DSC1: variants seen among roughly 807,000 people sequenced by gnomAD.
The protein encoded by DSC1 is desmocollin-1.
A neutral mutation model predicts 98.8 loss-of-function variants in DSC1; 79 were observed. That is an observed-to-expected ratio of 0.80 (90% CI 0.67 to 0.96). The LOEUF is 0.96. DSC1 is among the 50% of genes least tolerant of loss of function. DSC1 has a pLI of 0.00. For missense variants in DSC1, 1,115 were observed against 1,075.9 expected, an observed-to-expected ratio of 1.04 and a Z score of -0.51; for synonymous variants, 405 against 372.1, an observed-to-expected ratio of 1.09 and a Z score of -1.02.
At chr18:31,132,389 G>T in intron 14 of DSC1, 179 bp downstream of exon 14, 1 of 735,086 alleles carries the variant, frequency 1.4e-6, no homozygotes, top group Non-Finnish European at 2.1e-6. Flanking sequence ...TGTTGTGACA[G>T]CCCTAGCCCT....
intron 5 of DSC1, among the ~76,000 whole-genome samples, chr18:31,151,386 T>C (rs1158389654): frequency 6.6e-6 from 1 of 152,234 alleles, no homozygotes; most frequent in Non-Finnish European, 1.5e-5. Flanking sequence ...TAACTCATTA[T>C]AAATATGTTA....
chr18:31,143,847 A>G (rs1988787973), intron 7 of DSC1, 56 bp from the exon 8 acceptor site: 3 of 1,398,412 alleles, frequency 2.1e-6, no homozygotes, highest in Admixed American at 4.9e-5. Flanking sequence ...ATAACTTGCA[A>G]TTCTCACAAC....
chr18:31,148,815 T>C (rs1217760700), intron 5 of DSC1, among the ~76,000 whole-genome samples, 173 bp from the exon 6 acceptor site: 1 of 152,134 alleles, frequency 6.6e-6, no homozygotes, highest in Non-Finnish European at 1.5e-5. Context: ...CTGCCTGCCA[T>C]GTGATTTCAA....
chr18:31,150,832 T>A (rs1458187118), intron 5 of DSC1: 1 of 152,216 alleles, frequency 6.6e-6, no homozygotes, highest in Non-Finnish European at 1.5e-5. Flanking sequence ...AGACTGAGAC[T>A]TACTGATACG....
chr18:31,155,942 T>C (rs894730169), intron 4 of DSC1, 101 bp downstream of exon 4: 10 of 1,247,676 alleles, frequency 8.0e-6, no homozygotes, highest in Non-Finnish European at 1.1e-5. Context: ...ATTTGTACCA[T>C]TAGTTTAAAC....
At position 31,142,086 on chromosome 18, in the gene DSC1, T is replaced by A; in HGVS notation, c.1173A>T (p.Val391=). 6.2e-7 allele frequency: 1 copy of A among 1,613,244 alleles called. No individual in the cohort carries two copies. Among genetic ancestry groups the A allele is most frequent in the Non-Finnish European group, 8.5e-7 (1 of 1,179,692 alleles). ...DLPNTPHSKA[V]YKILQGNENG... is the part of the protein sequence containing the mutation. The stretch of plus-strand genomic sequence containing the variant: ...TTTCATTTCCTTGTAGGATTTTGTA[T>A]ACAGCCTTTGAGTGAGGAGTGTTTG... The change falls in exon 9 of 16, where the codon GTA becomes GTT. Residue 391 remains valine (V), a synonymous_variant. Coordinates refer to ENST00000257198, the MANE Select transcript of DSC1 (RefSeq NM_024421.2).
Position 31,140,199 on chromosome 18 carries a change from T to C in DSC1, c.1363A>G (p.Thr455Ala). The C allele has an allele frequency of 6.2e-7, 1 of 1,614,078 alleles. No homozygotes were observed. Among genetic ancestry groups the C allele is most frequent in the Non-Finnish European group, 8.5e-7 (1 of 1,179,942 alleles). Residue 455 changes from threonine to alanine, a missense_variant, in exon 10 of 16, where the codon ACT becomes GCT. Transcript: ENST00000257198. ...ATAATTTTAACGGTGACAGTTGTAG[T>C]GCACATTGTAGGAGTTTGTGAGCTC... ...AASSQTPTMCTTTVTVKIIDS... is the reference protein window; with the variant it reads ...AASSQTPTMCATTVTVKIIDS...
At position 31,162,515 on chromosome 18, in the gene DSC1, C is replaced by T. The variant is rs1598634941; in HGVS notation, c.63+17G>A. Reference sequence around the variant, plus strand: ...AGTAACATGCTTGAATTCCCTAATCCTTTGGTTGTTACTCACCAGGAGAGA... The same window carrying T: ...AGTAACATGCTTGAATTCCCTAATCTTTTGGTTGTTACTCACCAGGAGAGA... On this transcript the variant is annotated intron_variant, in intron 1 of 15. Transcript: ENST00000257198. 2.5e-6 allele frequency: 4 copies of T among 1,613,550 alleles called. No homozygotes were observed. The highest frequency in any genetic ancestry group is 3.4e-6 in the Non-Finnish European group (4 of 1,179,552).
chr18:31,162,501 T>C, intron 1 of DSC1, 31 bp downstream of exon 1: 1 of 1,610,334 alleles, frequency 6.2e-7, no homozygotes, highest in Non-Finnish European at 8.5e-7. Flanking sequence ...GTAACATGCT[T>C]GAATTCCCTA....
intron 8 of DSC1, among the ~76,000 whole-genome samples, chr18:31,142,932 C>A (rs1193899175): frequency 6.6e-6 from 1 of 151,844 alleles, no homozygotes; most frequent in Non-Finnish European, 1.5e-5. Flanking sequence ...AATATATCCT[C>A]ATATATTGTA....
intron 11 of DSC1, among the ~76,000 whole-genome samples, chr18:31,136,274 A>T (rs1017424002): frequency 6.6e-6 from 1 of 152,146 alleles, no homozygotes; most frequent in Non-Finnish European, 1.5e-5. Context: ...AAAGTAAAAA[A>T]TTTAGTTGCA....
At chr18:31,131,375 G>C in intron 15 of DSC1, 1 of 604,010 alleles carries the variant, frequency 1.7e-6, no homozygotes, top group Non-Finnish European at 2.8e-6. Context: ...TCTACATATG[G>C]CACTCCTAGA....
At chr18:31,152,806 T>C (rs143850094) in intron 5 of DSC1, among the ~76,000 whole-genome samples, 101 of 152,104 alleles carry the variant, frequency 6.6e-4, no homozygotes, top group Non-Finnish European at 9.0e-4. Flanking sequence ...TATATTACGT[T>C]AAAAACATAT....
In DSC1 at chr18:31,146,894, G is replaced by T. The variant is rs1988857381; in HGVS notation, c.773-1117C>A. 2.0e-5 allele frequency among the ~76,000 whole-genome samples: 3 copies of T among 152,150 alleles called. No homozygotes were observed. In the South Asian group the frequency reaches 6.2e-4, roughly 31 times the overall value. On this transcript the variant is annotated intron_variant, in intron 6 of 15. Coordinates refer to ENST00000257198, the MANE Select transcript of DSC1 (RefSeq NM_024421.2). ...TGTATACAAATAACTATTAATATAT[G>T]CAAGACAAAATCATAGGGAGTAGTC...
At chr18:31,135,646 G>C (rs972004199) in intron 11 of DSC1, among the ~76,000 whole-genome samples, 2 of 152,086 alleles carry the variant, frequency 1.3e-5, no homozygotes, top group Admixed American at 6.6e-5. Context: ...CTCATCTGTT[G>C]ATTGCCACTA....
intron 15 of DSC1, 104 bp from the exon 16 acceptor site, chr18:31,130,815 C>CT: frequency 1.2e-6 from 2 of 1,612,544 alleles, no homozygotes; most frequent in Non-Finnish European, 8.5e-7. Flanking sequence ...AATTTTTAAT[C>CT]AGAGTGTGTC....
At chr18:31,148,154 A>G (rs1355483909) in intron 6 of DSC1, among the ~76,000 whole-genome samples, 1 of 152,190 alleles carries the variant, frequency 6.6e-6, no homozygotes, top group Non-Finnish European at 1.5e-5. Flanking sequence ...CTTTCTAAGC[A>G]TGCATTGGTA....
chr18:31,139,021 G>A (rs1988672591), intron 11 of DSC1, among the ~76,000 whole-genome samples: 1 of 151,838 alleles, frequency 6.6e-6, no homozygotes, highest in East Asian at 1.9e-4. Flanking sequence ...TTTTTATGAT[G>A]TATACATTAG....
intron 2 of DSC1, 34 bp from the exon 3 acceptor site, chr18:31,157,607 A>G: frequency 6.2e-7 from 1 of 1,612,114 alleles, no homozygotes; most frequent in South Asian, 1.1e-5. Flanking sequence ...AGTTTGTCAG[A>G]TGAAACAGGA....
Sources: gnomAD v4.1 joint callset for allele counts (sites outside exome capture counted in the v4.1 genomes callset) on GRCh38, gnomAD v4.1.1 for gene constraint, MANE v1.5 for transcripts, NCBI Gene and HGNC (gene_info 2026-07-23, HGNC 2026-07-21) for gene names.